The following PLSCR1 variants were observed in gnomAD, a reference collection of about 807,000 sequenced individuals.
PLSCR1 encodes PL scramblase 1.
A neutral mutation model predicts 37.8 loss-of-function variants in PLSCR1; 17 were observed. The ratio of observed to expected loss-of-function variants is 0.45; its 90% CI spans 0.31 to 0.68. The LOEUF (loss-of-function observed/expected upper bound fraction) is 0.68, where lower values mean the gene tolerates loss of function less well. PLSCR1 is among the 30% of genes least tolerant of loss of function. PLSCR1 has a pLI of 0.06. For synonymous variants in PLSCR1, 116 were observed against 125.9 expected (o/e 0.92, Z 0.53); for missense variants, 347 against 380.9 (o/e 0.91, Z 0.74).
At chr3:146,533,167 A>G (rs2044220911) in intron 3 of PLSCR1, among the ~76,000 whole-genome samples, 1 of 152,228 alleles carries the variant, frequency 6.6e-6, no homozygotes, top group South Asian at 2.1e-4. Flanking sequence ...TTTGTATTTT[A>G]GGATGTACAG....
intron 5 of PLSCR1, among the ~76,000 whole-genome samples, chr3:146,523,580 A>T (rs2044063500): frequency 6.6e-6 from 1 of 152,190 alleles, no homozygotes; most frequent in Non-Finnish European, 1.5e-5. Flanking sequence ...GTCACATTGG[A>T]CCCAGGGCAT....
At chr3:146,543,560 C>G (rs1390562531) in intron 1 of PLSCR1, among the ~76,000 whole-genome samples, 1 of 152,154 alleles carries the variant, frequency 6.6e-6, no homozygotes, top group African/African-American at 2.4e-5. Context: ...GAAAAAACAA[C>G]GACTGCCTGT....
intron 8 of PLSCR1, chr3:146,516,519 A>G (rs2043948841): frequency 5.9e-6 from 1 of 169,442 alleles, no homozygotes; most frequent in Non-Finnish European, 1.2e-5. Flanking sequence ...ATGTGAAGGC[A>G]ATTTCAGAAT....
intron 1 of PLSCR1, among the ~76,000 whole-genome samples, chr3:146,538,248 G>C (rs923374876): frequency 6.6e-6 from 1 of 152,120 alleles, no homozygotes; most frequent in East Asian, 1.9e-4. Flanking sequence ...TAGACTAAAA[G>C]TTTTCAAGAC....
chr3:146,525,467 GAT>G, intron 5 of PLSCR1, 136 bp downstream of exon 5: 1 of 589,468 alleles, frequency 1.7e-6, no homozygotes. Flanking sequence ...ATGAATTGCT[GAT>G]AACATTTATT....
At chr3:146,531,521 T>C (rs57903892) in intron 3 of PLSCR1, among the ~76,000 whole-genome samples, 10,175 of 152,256 alleles carry the variant, frequency 0.067, 649 homozygotes, top group African/African-American at 0.17. Flanking sequence ...AACATCATCA[T>C]AATTTTCCCC....
At chr3:146,530,712 A>G (rs746948140) in intron 3 of PLSCR1, among the ~76,000 whole-genome samples, 1 of 152,250 alleles carries the variant, frequency 6.6e-6, no homozygotes, top group Admixed American at 6.5e-5. Flanking sequence ...GAGGAATGTC[A>G]TAAGAAAGAA....
chr3:146,521,490 A>T, intron 7 of PLSCR1, 54 bp downstream of exon 7: 1 of 1,458,868 alleles, frequency 6.9e-7, no homozygotes, highest in Non-Finnish European at 9.5e-7. Flanking sequence ...CTGCAAAATT[A>T]CATTCTTCTT....
Position 146,525,295 on chromosome 3 carries a change from C to T in PLSCR1, c.355+310G>A, listed in dbSNP as rs138262088. ...GCCATTCTTAAGCTGATCACAATTACGGAGAAAATAGCTTAAGTGGTAGAA... is the reference window on the plus strand; with the variant it reads ...GCCATTCTTAAGCTGATCACAATTATGGAGAAAATAGCTTAAGTGGTAGAA... On this transcript the variant is annotated intron_variant, in intron 5 of 8. Transcript: ENST00000342435. 3.2e-3 allele frequency among the ~76,000 whole-genome samples: 489 copies of T among 152,214 alleles called. 3 individuals are homozygous for T. Among genetic ancestry groups the T allele is most frequent in the Non-Finnish European group, 4.8e-3 (324 of 68,016 alleles).
chr3:146,525,893 T>C (rs1386210014), intron 4 of PLSCR1, among the ~76,000 whole-genome samples: 1 of 151,834 alleles, frequency 6.6e-6, no homozygotes, highest in Admixed American at 6.6e-5. Context: ...TGGAGTACCT[T>C]TAAAAATTAG....
At chr3:146,536,825 A>G in intron 1 of PLSCR1, 1 of 349,342 alleles carries the variant, frequency 2.9e-6, no homozygotes, top group Non-Finnish European at 5.4e-6. Context: ...AAGAGGGTCC[A>G]GTGAGGCAGA....
intron 1 of PLSCR1, among the ~76,000 whole-genome samples, chr3:146,540,304 C>T (rs1406861536): frequency 6.6e-6 from 1 of 152,142 alleles, no homozygotes; most frequent in Non-Finnish European, 1.5e-5. Context: ...ATATTATTTG[C>T]ATACAAGTAC....
At chr3:146,523,285 CAGAAG>C (rs562895733) in intron 5 of PLSCR1, among the ~76,000 whole-genome samples, 175 of 152,292 alleles carry the variant, frequency 1.1e-3, no homozygotes, top group Middle Eastern at 3.4e-3. Context: ...AAATGTCTGT[CAGAAG>C]AGAGACTTTT....
At chr3:146,537,851 C>T (rs1322067526) in intron 1 of PLSCR1, 1 of 151,636 alleles carries the variant, frequency 6.6e-6, no homozygotes, top group Non-Finnish European at 1.5e-5. Flanking sequence ...GCCTGGGTGA[C>T]AGAGCAAGAC....
intron 5 of PLSCR1, among the ~76,000 whole-genome samples, chr3:146,522,683 G>A (rs943159653): frequency 2.0e-5 from 3 of 152,158 alleles, no homozygotes; most frequent in African/African-American, 7.2e-5. Flanking sequence ...CACCCGTAAA[G>A]GGTCTGCACT....
At chr3:146,522,975 T>C (rs1215975129) in intron 5 of PLSCR1, among the ~76,000 whole-genome samples, 1 of 152,212 alleles carries the variant, frequency 6.6e-6, no homozygotes, top group Admixed American at 6.5e-5. Flanking sequence ...TTCACGTGTT[T>C]ACATGCTGAC....
chr3:146,529,516 AT>A (rs111660673), intron 3 of PLSCR1, among the ~76,000 whole-genome samples: 205 of 141,860 alleles, frequency 1.4e-3, no homozygotes, highest in East Asian at 2.1e-3. Context: ...CTTTCTTTCC[AT>A]TTTTTTTTTT....
At chr3:146,520,249 C>T (rs1239745279) in intron 7 of PLSCR1, 1 of 152,024 alleles carries the variant, frequency 6.6e-6, no homozygotes, top group African/African-American at 2.4e-5. Context: ...TCAAGAAAGA[C>T]TGCCAGATGA....
chr3:146,534,169 T>C (rs1476522911), intron 2 of PLSCR1, among the ~76,000 whole-genome samples: 4 of 152,160 alleles, frequency 2.6e-5, no homozygotes, highest in African/African-American at 9.7e-5. Context: ...GTAAACTTAA[T>C]ATATGCACAA....
Sources: gnomAD v4.1 joint callset for allele counts (sites outside exome capture counted in the v4.1 genomes callset) on GRCh38, gnomAD v4.1.1 for gene constraint, MANE v1.5 for transcripts, NCBI Gene and HGNC (gene_info 2026-07-23, HGNC 2026-07-21) for gene names.